VMP1: variants seen among roughly 807,000 people sequenced by gnomAD.
VMP1 encodes ectopic P-granules autophagy protein 3 homolog.
Under a neutral mutation model 56.0 loss-of-function variants are expected in VMP1, and 11 were observed. That is an observed-to-expected ratio of 0.20 (90% confidence interval 0.12 to 0.32). VMP1 has a LOEUF of 0.32. Among genes scored for constraint, VMP1 ranks in the 10% least tolerant of loss-of-function variants. The pLI, the probability that VMP1 is intolerant of heterozygous loss-of-function variation, is 1.00. For synonymous variants in VMP1, 149 were observed against 165.0 expected (o/e 0.90, Z 0.74); for missense variants, 296 against 490.3 (o/e 0.60, Z 3.74).
chr17:59,782,185 AG>A (rs1296814215), intron 7 of VMP1, among the ~76,000 whole-genome samples: 2 of 152,198 alleles, frequency 1.3e-5, no homozygotes, highest in African/African-American at 2.4e-5. Flanking sequence ...CTGGAATTAC[AG>A]GCATGAGCCA....
intron 5 of VMP1, among the ~76,000 whole-genome samples, chr17:59,760,149 G>A (rs1349221872): frequency 6.6e-6 from 1 of 150,626 alleles, no homozygotes; most frequent in Non-Finnish European, 1.5e-5. Flanking sequence ...AAAAAAATTA[G>A]TGGTTGTCCT....
rs1054208013 is a variant in VMP1 at position 59,781,931 on chromosome 17, CAG to C, written c.714+8049_714+8050del. On this transcript the variant is annotated intron_variant, in intron 7 of 11. Coordinates refer to ENST00000262291, the MANE Select transcript of VMP1 (RefSeq NM_030938.5). ...TTTGTTACATGTTACTTTTTTTAGA[CAG>C]AGTCTCGCTCTGTCGCCTATGCTGG... Among the ~76,000 whole-genome samples the C allele has an allele frequency of 1.6e-3, 236 of 152,140 alleles. 1 individual carries two copies. The highest frequency in any genetic ancestry group is 2.1e-3 in the Non-Finnish European group (144 of 68,006).
At chr17:59,747,014 A>G (rs1281385237) in intron 5 of VMP1, among the ~76,000 whole-genome samples, 2 of 152,182 alleles carry the variant, frequency 1.3e-5, no homozygotes, top group African/African-American at 2.4e-5. Flanking sequence ...AAATATATCT[A>G]TATTTGGCTG....
intron 5 of VMP1, among the ~76,000 whole-genome samples, chr17:59,742,707 G>A (rs2035273194): frequency 6.6e-6 from 1 of 152,018 alleles, no homozygotes; most frequent in South Asian, 2.1e-4. Flanking sequence ...CAGTAGGTGA[G>A]CAGTGGGCTG....
chr17:59,747,213 A>T (rs1204134618), intron 5 of VMP1, among the ~76,000 whole-genome samples: 1 of 152,166 alleles, frequency 6.6e-6, no homozygotes, highest in African/African-American at 2.4e-5. Context: ...GCATGTAAGT[A>T]AAAAGAGCAT....
At chr17:59,785,923 C>T (rs1331552751) in intron 7 of VMP1, among the ~76,000 whole-genome samples, 1 of 151,784 alleles carries the variant, frequency 6.6e-6, no homozygotes, top group African/African-American at 2.4e-5. Flanking sequence ...TAATTGCTAC[C>T]TACTCTGTAT....
intron 10 of VMP1, among the ~76,000 whole-genome samples, chr17:59,834,262 T>C (rs1254560092): frequency 6.6e-6 from 1 of 151,534 alleles, no homozygotes; most frequent in East Asian, 1.9e-4. Context: ...CAGCCTTGTT[T>C]TTGTTTTTGT....
chr17:59,782,180 A>C (rs1010835035), intron 7 of VMP1, among the ~76,000 whole-genome samples: 1 of 152,172 alleles, frequency 6.6e-6, no homozygotes, highest in African/African-American at 2.4e-5. Flanking sequence ...AAGTTCTGGA[A>C]TTACAGGCAT....
intron 2 of VMP1, 138 bp downstream of exon 2, chr17:59,731,660 C>T: frequency 5.5e-6 from 3 of 549,432 alleles, no homozygotes; most frequent in Non-Finnish European, 8.4e-6. Context: ...ATGGGTCAGT[C>T]AGGGCCTGTA....
At chr17:59,742,456 A>T (rs955283209) in intron 5 of VMP1, among the ~76,000 whole-genome samples, 2 of 151,786 alleles carry the variant, frequency 1.3e-5, no homozygotes, top group African/African-American at 2.4e-5. Context: ...GCTCAAGGTC[A>T]CAGTGAACTG....
chr17:59,789,640 A>T (rs558524222), intron 7 of VMP1, among the ~76,000 whole-genome samples: 1 of 152,078 alleles, frequency 6.6e-6, no homozygotes, highest in Non-Finnish European at 1.5e-5. Flanking sequence ...ACCCTTTGTT[A>T]TAAGTGCTGA....
chr17:59,734,273 C>T (rs541973134), intron 2 of VMP1, among the ~76,000 whole-genome samples: 1 of 152,282 alleles, frequency 6.6e-6, no homozygotes, highest in East Asian at 1.9e-4. Context: ...GGGATACATT[C>T]CATGACCCCT....
chr17:59,747,971 C>T (rs1199794751), intron 5 of VMP1, among the ~76,000 whole-genome samples: 2 of 151,528 alleles, frequency 1.3e-5, no homozygotes, highest in Admixed American at 1.3e-4. Context: ...CCAAGACGGG[C>T]GGATCACGAG....
intron 7 of VMP1, among the ~76,000 whole-genome samples, chr17:59,805,513 G>A (rs1469987363): frequency 6.6e-6 from 1 of 151,650 alleles, no homozygotes; most frequent in Non-Finnish European, 1.5e-5. Context: ...TCCTATTTAA[G>A]TTTGTATGTG....
intron 5 of VMP1, among the ~76,000 whole-genome samples, chr17:59,756,242 T>A (rs1280592186): frequency 6.6e-6 from 1 of 152,202 alleles, no homozygotes; most frequent in Non-Finnish European, 1.5e-5. Context: ...AGAATTCCTG[T>A]GTTTGCAAAA....
intron 1 of VMP1, among the ~76,000 whole-genome samples, chr17:59,724,177 A>G (rs62081781): frequency 3.6e-4 from 54 of 149,898 alleles, no homozygotes; most frequent in Non-Finnish European, 6.8e-4. Context: ...GCACCACTGC[A>G]CTCCAGCCCG....
intron 5 of VMP1, 106 bp from the exon 6 acceptor site, chr17:59,764,865 G>T: frequency 1.2e-6 from 1 of 845,478 alleles, no homozygotes; most frequent in South Asian, 4.6e-5. Context: ...TTTGTTCTTT[G>T]AAAGCTAAGA....
chr17:59,733,222 A>G (rs952349750), intron 2 of VMP1, among the ~76,000 whole-genome samples: 1 of 151,816 alleles, frequency 6.6e-6, no homozygotes, highest in Non-Finnish European at 1.5e-5. Context: ...ATGGCTGCTT[A>G]GTTTTTCTTT....
chr17:59,788,487 CAA>C (rs1054330878), intron 7 of VMP1, among the ~76,000 whole-genome samples: 1 of 129,450 alleles, frequency 7.7e-6, no homozygotes. Flanking sequence ...ACTCAGTCTC[CAA>C]AAAAAAAAGA....
Sources: allele counts gnomAD v4.1 joint callset (sites outside exome capture counted in the v4.1 genomes callset), GRCh38; gene constraint gnomAD v4.1.1; transcripts MANE v1.5; gene names NCBI Gene and HGNC (gene_info 2026-07-23, HGNC 2026-07-21).